SYTL3: variants seen among roughly 807,000 people sequenced by gnomAD.
The protein encoded by SYTL3 is synaptotagmin like 3, also known as synaptotagmin-like protein 3.
In SYTL3, 88 loss-of-function variants were observed where a neutral mutation model predicts 82.1. That is an observed-to-expected ratio of 1.07 (90% confidence interval 0.90 to 1.28). SYTL3 has a LOEUF of 1.28. Ranked by LOEUF, SYTL3 falls within the 50% of genes most tolerant of loss-of-function variation. SYTL3 has a pLI of 0.00. For synonymous variants in SYTL3, 311 were observed against 289.4 expected, an observed-to-expected ratio of 1.07 and a Z score of -0.76; for missense variants, 831 against 757.6, an observed-to-expected ratio of 1.10 and a Z score of -1.14.
chr6:158,700,095 A>G (rs1163040547), intron 6 of SYTL3, among the ~76,000 whole-genome samples: 3 of 151,776 alleles, frequency 2.0e-5, no homozygotes, highest in Non-Finnish European at 4.4e-5. Context: ...TTCTCTACTA[A>G]GAAATACAAA....
intron 11 of SYTL3, among the ~76,000 whole-genome samples, chr6:158,735,277 G>A (rs555982952): frequency 6.6e-6 from 1 of 152,186 alleles, no homozygotes; most frequent in Admixed American, 6.5e-5. Context: ...ATGAGATTAT[G>A]CAATTCCCCA....
intron 12 of SYTL3, 147 bp downstream of exon 12, chr6:158,745,805 C>A: frequency 1.4e-6 from 1 of 690,878 alleles, no homozygotes; most frequent in Non-Finnish European, 2.3e-6. Flanking sequence ...AAAGCTGTAG[C>A]AATGCAAACA....
intron 6 of SYTL3, among the ~76,000 whole-genome samples, chr6:158,696,995 T>C (rs1356269419): frequency 6.6e-6 from 1 of 151,830 alleles, no homozygotes; most frequent in Non-Finnish European, 1.5e-5. Flanking sequence ...AGTTGGCTTA[T>C]TTCTTAGCCA....
At chr6:158,698,809 TG>T (rs1464375459) in intron 6 of SYTL3, among the ~76,000 whole-genome samples, 3 of 127,596 alleles carry the variant, frequency 2.4e-5, no homozygotes, top group Non-Finnish European at 4.9e-5. Context: ...ACAGATTTCC[TG>T]GGGGTGGGCA....
intron 4 of SYTL3, 104 bp from the exon 5 acceptor site, chr6:158,665,291 A>G (rs1252757236): frequency 9.3e-7 from 1 of 1,075,394 alleles, no homozygotes; most frequent in South Asian, 1.5e-5. Context: ...TCGAATGCCA[A>G]AGCCCCTTCC....
chr6:158,725,663 T>A (rs1784633616), intron 11 of SYTL3, 26 bp downstream of exon 11: 2 of 968,986 alleles, frequency 2.1e-6, no homozygotes, highest in African/African-American at 3.1e-5. Context: ...ATGCTCTTTT[T>A]TTGTTTTTTT....
At chr6:158,722,762 GTTTTTTTTTTTTTT>G (rs34189391) in intron 10 of SYTL3, among the ~76,000 whole-genome samples, 3 of 80,896 alleles carry the variant, frequency 3.7e-5, no homozygotes, top group Non-Finnish European at 6.8e-5. Context: ...TCTCTTTTCT[GTTTTTTTTTTTTTT>G]TTTTTTTTTT....
At chr6:158,646,885 C>G (rs1037693513), upstream of SYTL3, among the ~76,000 whole-genome samples, 7 of 152,144 alleles carry the variant, frequency 4.6e-5, no homozygotes, top group African/African-American at 1.7e-4. Context: ...CTCTGCCTAC[C>G]TGGTTCCAAG....
intron 6 of SYTL3, among the ~76,000 whole-genome samples, chr6:158,686,479 C>T (rs1779305075): frequency 6.6e-6 from 1 of 152,088 alleles, no homozygotes; most frequent in Admixed American, 6.6e-5. Context: ...AGGTTAGGAG[C>T]ACACAAGTAG....
intron 11 of SYTL3, among the ~76,000 whole-genome samples, chr6:158,736,158 T>C (rs1562442892): frequency 6.6e-6 from 1 of 152,172 alleles, no homozygotes; most frequent in Non-Finnish European, 1.5e-5. Flanking sequence ...GAGACCATCC[T>C]GGCCAACATA....
intron 5 of SYTL3, among the ~76,000 whole-genome samples, chr6:158,670,062 T>C (rs1165334112): frequency 6.6e-6 from 1 of 152,248 alleles, no homozygotes; most frequent in Non-Finnish European, 1.5e-5. Context: ...ATGAAAGAAT[T>C]TTTATTGAAA....
intron 13 of SYTL3, among the ~76,000 whole-genome samples, chr6:158,754,434 T>C (rs554314673): frequency 5.9e-5 from 9 of 152,164 alleles, no homozygotes; most frequent in Non-Finnish European, 1.0e-4. Context: ...AAAAGGTAGA[T>C]TCTAGGCTGG....
intron 12 of SYTL3, among the ~76,000 whole-genome samples, chr6:158,749,548 A>G (rs1583472320): frequency 9.3e-6 from 1 of 107,056 alleles, no homozygotes; most frequent in Non-Finnish European, 1.7e-5. Context: ...ATGAGGTCTC[A>G]CTATGTTGCC....
chr6:158,752,784 T>G (rs1368672531), intron 13 of SYTL3, among the ~76,000 whole-genome samples: 1 of 152,224 alleles, frequency 6.6e-6, no homozygotes, highest in Non-Finnish European at 1.5e-5. Context: ...TGTTTGCCTT[T>G]CTTGGCAAGT....
chr6:158,732,346 T>C (rs1052609943), intron 11 of SYTL3, among the ~76,000 whole-genome samples: 2 of 152,234 alleles, frequency 1.3e-5, no homozygotes, highest in Non-Finnish European at 2.9e-5. Context: ...AGGCAAACGA[T>C]AGCAATGAAG....
chr6:158,700,523 T>G (rs1480026807), intron 6 of SYTL3, among the ~76,000 whole-genome samples: 1 of 152,178 alleles, frequency 6.6e-6, no homozygotes, highest in Non-Finnish European at 1.5e-5. Context: ...CCAATGACCT[T>G]GTGTTAATAC....
intron 6 of SYTL3, among the ~76,000 whole-genome samples, chr6:158,700,858 T>A (rs563918562): frequency 9.2e-5 from 14 of 151,838 alleles, no homozygotes; most frequent in Admixed American, 8.5e-4. Context: ...CCTCATGATC[T>A]GCCCTCCTTG....
At chr6:158,703,014 TGTG>T (rs1476638905) in intron 6 of SYTL3, among the ~76,000 whole-genome samples, 2 of 151,124 alleles carry the variant, frequency 1.3e-5, no homozygotes, top group Admixed American at 6.6e-5. Flanking sequence ...ATTAGCCAGG[TGTG>T]GTGGCGGGCG....
At chr6:158,719,812 G>A (rs1030650485) in intron 10 of SYTL3, among the ~76,000 whole-genome samples, 1 of 152,224 alleles carries the variant, frequency 6.6e-6, no homozygotes, top group Non-Finnish European at 1.5e-5. Flanking sequence ...AAGATCGGCC[G>A]AGCCTGGTGG....
Sources: allele counts gnomAD v4.1 joint callset (sites outside exome capture counted in the v4.1 genomes callset), GRCh38; gene constraint gnomAD v4.1.1; transcripts MANE v1.5; gene names NCBI Gene and HGNC (gene_info 2026-07-23, HGNC 2026-07-21).